The following HTR1F variants were observed in gnomAD, a reference collection of about 807,000 sequenced individuals.
HTR1F encodes the protein 5-hydroxytryptamine receptor 1F, also known as 5-hydroxytryptamine (serotonin) receptor 1F, G protein-coupled.
A neutral mutation model predicts 24.0 loss-of-function variants in HTR1F; 17 were observed. That is an observed-to-expected ratio of 0.71 (90% CI 0.48 to 1.06). HTR1F has a LOEUF of 1.06. Among genes scored for constraint, HTR1F ranks in the 50% least tolerant of loss-of-function variants. The probability of loss-of-function intolerance (pLI) is 0.00; values close to 1 mark genes in which losing one functional copy is unlikely to be tolerated. For missense variants in HTR1F, 391 were observed against 427.8 expected (o/e 0.91, Z 0.76); for synonymous variants, 186 against 156.8 (o/e 1.19, Z -1.39).
At chr3:87,812,407 A>G (rs532870430) in intron 1 of HTR1F, among the ~76,000 whole-genome samples, 2 of 141,596 alleles carry the variant, frequency 1.4e-5, no homozygotes, top group African/African-American at 5.4e-5. Flanking sequence ...ATGCTTTAGC[A>G]AAGAGACTAG....
intron 2 of HTR1F, among the ~76,000 whole-genome samples, chr3:87,835,731 T>A (rs1704669944): frequency 1.3e-5 from 2 of 152,200 alleles, no homozygotes. Context: ...ATGAACTTCA[T>A]CAATGGTTGG....
chr3:87,900,979 C>T (rs1706308229), intron 2 of HTR1F, among the ~76,000 whole-genome samples: 1 of 152,022 alleles, frequency 6.6e-6, no homozygotes, highest in Admixed American at 6.6e-5. Context: ...TAAGAAATGC[C>T]ATGATAGTAC....
At chr3:87,935,133 G>T (rs755379924) in intron 2 of HTR1F, among the ~76,000 whole-genome samples, 2 of 152,208 alleles carry the variant, frequency 1.3e-5, no homozygotes, top group Non-Finnish European at 2.9e-5. Context: ...CTCCCAAAGT[G>T]CTGGGATTAC....
chr3:87,941,518 C>A lies in HTR1F; in HGVS notation c.-42-49190C>A, dbSNP rs140072279. On this transcript the variant is annotated intron_variant, in intron 2 of 2. Coordinates refer to ENST00000319595, the MANE Select transcript of HTR1F (RefSeq NM_001322209.2). ...TGATGGCACAAGGTTTCTGAACAGG[C>A]GGCTAAAAGTAACTTAGCCCCGTAC... Among the ~76,000 whole-genome samples, 44 of 152,206 alleles carry A rather than the reference C, an allele frequency of 2.9e-4. 1 individual carries two copies. In the East Asian group the frequency reaches 5.0e-3, roughly 17 times the overall value.
rs1473681397 is a variant in HTR1F at position 87,794,547 on chromosome 3, C to T, written c.-160+1705C>T. ...TAACTTATTTTACTAATTTTTAATCCAAGGAAGTTCAGTATATTTTTCCAC... is the reference window on the plus strand; with the variant it reads ...TAACTTATTTTACTAATTTTTAATCTAAGGAAGTTCAGTATATTTTTCCAC... On this transcript the variant is annotated intron_variant, in intron 1 of 2. Coordinates refer to ENST00000319595, the MANE Select transcript of HTR1F (RefSeq NM_001322209.2). Among the ~76,000 whole-genome samples, 3 of 152,184 alleles carry T rather than the reference C, an allele frequency of 2.0e-5. No individual in the cohort carries two copies. In the East Asian group the frequency reaches 5.8e-4, roughly 29 times the overall value.
chr3:87,889,573 A>T (rs1248095359), intron 2 of HTR1F, among the ~76,000 whole-genome samples: 1 of 152,216 alleles, frequency 6.6e-6, no homozygotes, highest in Non-Finnish European at 1.5e-5. Flanking sequence ...AAAAACTTGC[A>T]TATCTGGGTT....
chr3:87,833,372 T>C (rs1320670417), intron 2 of HTR1F, among the ~76,000 whole-genome samples: 2 of 152,162 alleles, frequency 1.3e-5, no homozygotes, highest in South Asian at 2.1e-4. Flanking sequence ...AATAACTTAA[T>C]CTACTTGTTT....
chr3:87,924,339 T>G (rs184728764), intron 2 of HTR1F, among the ~76,000 whole-genome samples: 31 of 152,254 alleles, frequency 2.0e-4, no homozygotes, highest in African/African-American at 7.2e-4. Flanking sequence ...CTTGTATAAT[T>G]TCATTAATTA....
intron 1 of HTR1F, among the ~76,000 whole-genome samples, chr3:87,818,535 G>T (rs975163844): frequency 6.6e-6 from 1 of 152,150 alleles, no homozygotes; most frequent in African/African-American, 2.4e-5. Flanking sequence ...GTCATCCTAG[G>T]TGTGCACTTG....
At chr3:87,892,473 C>G (rs1706106203) in intron 2 of HTR1F, among the ~76,000 whole-genome samples, 1 of 152,116 alleles carries the variant, frequency 6.6e-6, no homozygotes, top group Non-Finnish European at 1.5e-5. Context: ...AGAATTTGAG[C>G]TACAAAATTA....
intron 2 of HTR1F, among the ~76,000 whole-genome samples, chr3:87,917,194 T>A (rs1374493876): frequency 6.6e-6 from 1 of 151,882 alleles, no homozygotes; most frequent in East Asian, 1.9e-4. Context: ...TATCAAAACC[T>A]CTGGGACACA....
chr3:87,840,255 G>C (rs1394133094), intron 2 of HTR1F, among the ~76,000 whole-genome samples: 1 of 152,054 alleles, frequency 6.6e-6, no homozygotes, highest in Non-Finnish European at 1.5e-5. Flanking sequence ...CTGGATATTA[G>C]ACCTTTGTCA....
At chr3:87,892,754 T>C (rs1208110655) in intron 2 of HTR1F, among the ~76,000 whole-genome samples, 1 of 152,138 alleles carries the variant, frequency 6.6e-6, no homozygotes, top group Non-Finnish European at 1.5e-5. Context: ...TGCGCCCTTT[T>C]GGGGCTTTTT....
intron 2 of HTR1F, among the ~76,000 whole-genome samples, chr3:87,981,355 C>T (rs569849676): frequency 7.6e-4 from 116 of 152,206 alleles, no homozygotes; most frequent in African/African-American, 2.4e-3. Flanking sequence ...CTGCCATACC[C>T]GGCTAATTTT....
At chr3:87,873,133 C>CACAGAGAGAGAG (rs370152361) in intron 2 of HTR1F, among the ~76,000 whole-genome samples, 131 of 130,306 alleles carry the variant, frequency 1.0e-3, no homozygotes, top group African/African-American at 3.3e-3. Flanking sequence ...CACACACACA[C>CACAGAGAGAGAG]AGAGAGATTT....
At chr3:87,806,299 T>C (rs1385145946) in intron 1 of HTR1F, among the ~76,000 whole-genome samples, 1 of 152,040 alleles carries the variant, frequency 6.6e-6, no homozygotes, top group Non-Finnish European at 1.5e-5. Context: ...TTTTTAGTTT[T>C]TTGGGAAATC....
chr3:87,845,922 G>C (rs992788698), intron 2 of HTR1F, among the ~76,000 whole-genome samples: 5 of 151,928 alleles, frequency 3.3e-5, no homozygotes, highest in Admixed American at 3.3e-4. Flanking sequence ...AATTCCTTAG[G>C]AGCATGGATT....
At chr3:87,933,204 CAAAAT>C (rs1704326189) in intron 2 of HTR1F, among the ~76,000 whole-genome samples, 1 of 152,088 alleles carries the variant, frequency 6.6e-6, no homozygotes, top group African/African-American at 2.4e-5. Context: ...GGATGTATCT[CAAAAT>C]AATAAGAGCT....
intron 2 of HTR1F, among the ~76,000 whole-genome samples, chr3:87,957,737 G>C (rs1704975657): frequency 6.6e-6 from 1 of 150,964 alleles, no homozygotes; most frequent in Non-Finnish European, 1.5e-5. Context: ...CATATGATTT[G>C]TGTAGAAAAC....
Sources: allele counts gnomAD v4.1 joint callset (sites outside exome capture counted in the v4.1 genomes callset), GRCh38; gene constraint gnomAD v4.1.1; transcripts MANE v1.5; gene names NCBI Gene and HGNC (gene_info 2026-07-23, HGNC 2026-07-21).